ZNF438: variants seen among roughly 807,000 people sequenced by gnomAD.
The protein encoded by ZNF438 is zinc finger protein 438.
In ZNF438, 25 loss-of-function variants were observed where a neutral mutation model predicts 38.0. The observed-to-expected ratio is 0.66, with a 90% CI of 0.48 to 0.92. ZNF438 has a LOEUF of 0.92. ZNF438 is among the 40% of genes least tolerant of loss of function. ZNF438 has a pLI of 0.00. For synonymous variants in ZNF438, 372 were observed against 364.1 expected, an observed-to-expected ratio of 1.02 and a Z score of -0.25; for missense variants, 1,007 against 999.6, an observed-to-expected ratio of 1.01 and a Z score of -0.10.
intron 2 of ZNF438, among the ~76,000 whole-genome samples, chr10:30,941,282 G>C (rs949424556): frequency 6.6e-6 from 1 of 152,082 alleles, no homozygotes; most frequent in African/African-American, 2.4e-5. Context: ...TTGTTGGTCA[G>C]GCTGGTCTCG....
intron 1 of ZNF438, among the ~76,000 whole-genome samples, chr10:30,947,857 T>G (rs935609595): frequency 1.3e-5 from 2 of 150,562 alleles, no homozygotes; most frequent in Non-Finnish European, 3.0e-5. Context: ...GCTTCCCAAG[T>G]GAGGCAATGC....
chr10:30,845,396 TG>T lies in ZNF438; in HGVS notation c.2051del (p.Pro684GlnfsTer43), dbSNP rs1564462022. Reference sequence around the variant, plus strand: ...ACTCTTCCTGAGTCCCCTTGCTTCCTGGGAAGGTCCCTTCTTGTAGCCTGCC... The same window carrying T: ...ACTCTTCCTGAGTCCCCTTGCTTCCTGGAAGGTCCCTTCTTGTAGCCTGCC... On this transcript the variant is annotated frameshift_variant, in exon 6 of 6. Coordinates refer to ENST00000413025, the Ensembl canonical transcript of ZNF438. LOFTEE classifies it low-confidence loss of function (END_TRUNC). 6.2e-7 allele frequency: 1 copy of T among 1,614,062 alleles called. No homozygotes were observed. The highest frequency in any genetic ancestry group is 1.3e-5 in the African/African-American group (1 of 74,918).
intron 3 of ZNF438, among the ~76,000 whole-genome samples, chr10:30,888,232 T>C (rs1402861871): frequency 1.3e-5 from 2 of 152,102 alleles, no homozygotes; most frequent in African/African-American, 4.8e-5. Flanking sequence ...GGTTGTACTA[T>C]ATTTCATTTA....
At chr10:31,001,285 T>C (rs550007388) in intron 1 of ZNF438, among the ~76,000 whole-genome samples, 1 of 152,368 alleles carries the variant, frequency 6.6e-6, no homozygotes, top group South Asian at 2.1e-4. Context: ...GCTGATAATG[T>C]GAATGTATTT....
At chr10:31,004,001 A>G (rs569637296) in intron 1 of ZNF438, among the ~76,000 whole-genome samples, 1 of 152,362 alleles carries the variant, frequency 6.6e-6, no homozygotes, top group South Asian at 2.1e-4. Context: ...GAGATGTCAG[A>G]AAGGTGTTAT....
chr10:31,032,134 A>AGAG (rs1035438979), upstream of ZNF438, among the ~76,000 whole-genome samples: 3 of 152,196 alleles, frequency 2.0e-5, no homozygotes, highest in Non-Finnish European at 4.4e-5. Context: ...AGTCGGGGTT[A>AGAG]GAGGAGGAGG....
rs76280616 is a variant in ZNF438 at position 30,844,964 on chromosome 10, T to C, written c.2484A>G (p.Lys828=). Residue 828 remains lysine (K), a synonymous_variant, in exon 6 of 6, where the codon AAA becomes AAG. Transcript: ENST00000413025. ...AACCCCAGGCTGCCTTGGGGTCTCATTTCTCAGCTTCACTGGAAAGTTCGA... is the reference window on the plus strand; with the variant it reads ...AACCCCAGGCTGCCTTGGGGTCTCACTTCTCAGCTTCACTGGAAAGTTCGA... 813 of 1,612,872 alleles carry C rather than the reference T, an allele frequency of 5.0e-4. 8 individuals carry two copies. In the African/African-American group the frequency reaches 9.6e-3, roughly 19 times the overall value.
chr10:30,908,477 T>C (rs970961792), intron 3 of ZNF438, among the ~76,000 whole-genome samples: 7 of 152,200 alleles, frequency 4.6e-5, no homozygotes, highest in Non-Finnish European at 8.8e-5. Flanking sequence ...TGCCATTTAA[T>C]ATCATCCTAA....
At chr10:30,964,431 T>TCCATATC (rs2049893778) in intron 1 of ZNF438, among the ~76,000 whole-genome samples, 1 of 152,164 alleles carries the variant, frequency 6.6e-6, no homozygotes. Flanking sequence ...TTGATTAGTG[T>TCCATATC]CCATATCCTC....
At chr10:30,911,747 C>G (rs1408695846) in intron 2 of ZNF438, among the ~76,000 whole-genome samples, 3 of 152,088 alleles carry the variant, frequency 2.0e-5, no homozygotes, top group African/African-American at 7.3e-5. Context: ...GTACTATTCT[C>G]CTCTTCATGC....
intron 4 of ZNF438, among the ~76,000 whole-genome samples, chr10:30,863,126 G>A (rs1291199841): frequency 6.6e-6 from 1 of 152,214 alleles, no homozygotes; most frequent in Non-Finnish European, 1.5e-5. Context: ...CACAAGGGTG[G>A]ACAGCCACGG....
At position 30,868,844 on chromosome 10, in the gene ZNF438, G is replaced by A. The variant is rs118189314; in HGVS notation, c.37+8154C>T. Among the ~76,000 whole-genome samples the A allele has an allele frequency of 4.9e-3, 744 of 152,332 alleles. 1 individual carries two copies. The highest frequency in any genetic ancestry group is 8.7e-3 in the Non-Finnish European group (590 of 68,034). On this transcript the variant is annotated intron_variant, in intron 4 of 5. Transcript: ENST00000413025. ...CAATCTGGAAGTGTTGTGTCCCACA[G>A]TGAAATGTCTCCAACTGCTTTCTAT...
intron 1 of ZNF438, among the ~76,000 whole-genome samples, chr10:30,967,385 T>C (rs2050238287): frequency 6.6e-6 from 1 of 152,202 alleles, no homozygotes; most frequent in South Asian, 2.1e-4. Flanking sequence ...TAAGCTGCTT[T>C]GCATCTGAGG....
chr10:30,904,285 C>CCTCCA (rs1040742383), intron 3 of ZNF438, among the ~76,000 whole-genome samples: 1 of 152,142 alleles, frequency 6.6e-6, no homozygotes, highest in Non-Finnish European at 1.5e-5. Context: ...TAGAAACAGC[C>CCTCCA]CTCCAACTCA....
intron 1 of ZNF438, among the ~76,000 whole-genome samples, chr10:31,028,766 T>A (rs1039008571): frequency 6.6e-6 from 1 of 152,128 alleles, no homozygotes; most frequent in Non-Finnish European, 1.5e-5. Flanking sequence ...TATAAAGTCA[T>A]CCCTAACATC....
At chr10:30,979,868 C>A (rs1358330335) in intron 1 of ZNF438, among the ~76,000 whole-genome samples, 2 of 152,144 alleles carry the variant, frequency 1.3e-5, no homozygotes, top group African/African-American at 2.4e-5. Flanking sequence ...CCTTCTTATT[C>A]TTGAAAGCAA....
intron 1 of ZNF438, among the ~76,000 whole-genome samples, chr10:30,964,101 A>G (rs2136091716): frequency 6.6e-6 from 1 of 152,320 alleles, no homozygotes; most frequent in South Asian, 2.1e-4. Flanking sequence ...AGGAGAAAAT[A>G]AGGAACAAAT....
intron 1 of ZNF438, among the ~76,000 whole-genome samples, chr10:31,029,154 G>C (rs191365524): frequency 1.4e-3 from 220 of 152,268 alleles, no homozygotes; most frequent in African/African-American, 5.0e-3. Flanking sequence ...TCACTCACCA[G>C]CTGGGTGACT....
At chr10:30,938,916 T>G (rs2046534667) in intron 2 of ZNF438, among the ~76,000 whole-genome samples, 1 of 152,164 alleles carries the variant, frequency 6.6e-6, no homozygotes, top group Admixed American at 6.5e-5. Flanking sequence ...TGCCTCAGCC[T>G]CCTGAGTAGC....
Sources: allele counts gnomAD v4.1 joint callset (sites outside exome capture counted in the v4.1 genomes callset), GRCh38; gene constraint gnomAD v4.1.1; transcripts MANE v1.5; gene names NCBI Gene and HGNC (gene_info 2026-07-23, HGNC 2026-07-21).